Variants in CWC27 observed in about 807,000 individuals in gnomAD.
CWC27 encodes CWC27 spliceosome associated cyclophilin, also known as spliceosome-associated protein CWC27 homolog.
Under a neutral mutation model 63.6 loss-of-function variants are expected in CWC27, and 47 were observed. That is an observed-to-expected ratio of 0.74 (90% CI 0.58 to 0.94). The LOEUF (loss-of-function observed/expected upper bound fraction) is 0.94, where lower values mean the gene tolerates loss of function less well. Among genes scored for constraint, CWC27 ranks in the 40% least tolerant of loss-of-function variants. The pLI is 0.00. For synonymous variants in CWC27, 175 were observed against 179.8 expected (o/e 0.97, Z 0.22); for missense variants, 495 against 554.3 (o/e 0.89, Z 1.07).
chr5:64,892,293 G>A (rs994223180), intron 11 of CWC27, among the ~76,000 whole-genome samples: 10 of 151,856 alleles, frequency 6.6e-5, no homozygotes, highest in Admixed American at 6.6e-5. Context: ...TGTCATTCCT[G>A]ACCCAGTAAA....
intron 10 of CWC27, among the ~76,000 whole-genome samples, chr5:64,843,595 T>A (rs550702478): frequency 2.0e-5 from 3 of 152,158 alleles, no homozygotes; most frequent in Admixed American, 1.3e-4. Context: ...TATAATATTA[T>A]GTAAATGTTT....
intron 13 of CWC27, among the ~76,000 whole-genome samples, chr5:65,010,568 A>T (rs1422855414): frequency 6.6e-6 from 1 of 152,206 alleles, no homozygotes; most frequent in Non-Finnish European, 1.5e-5. Context: ...AACACAGTAC[A>T]CTAACACAGT....
rs1318434572 is a variant in CWC27, at chr5:64,885,521, A to G, written c.1017A>G (p.Ala339=). The part of the protein sequence containing the change: ...AAKQKKVENA[A]KQAEKRSEEE... ...AACAAAAAAAAGTAGAAAATGCAGC[A>G]AAACAAGCAGAAAAAAGAAGTGAAG... is the stretch of plus-strand genomic sequence containing the variant. Residue 339 remains alanine, a synonymous_variant, in exon 11 of 14, where the codon GCA becomes GCG. Coordinates refer to ENST00000381070, the MANE Select transcript of CWC27 (RefSeq NM_005869.4). The G allele has an allele frequency of 5.6e-6, 9 of 1,603,710 alleles. No homozygotes were observed. The highest frequency in any genetic ancestry group is 7.7e-6 in the Non-Finnish European group (9 of 1,174,652).
chr5:64,852,659 G>C (rs1413694833), intron 10 of CWC27, among the ~76,000 whole-genome samples: 1 of 152,014 alleles, frequency 6.6e-6, no homozygotes, highest in Non-Finnish European at 1.5e-5. Flanking sequence ...CTTTAGGAGA[G>C]ATAGGGTTTC....
intron 13 of CWC27, among the ~76,000 whole-genome samples, chr5:65,017,236 G>A (rs1003251904): frequency 3.3e-5 from 5 of 152,014 alleles, no homozygotes; most frequent in African/African-American, 4.8e-5. Flanking sequence ...CAGGAGAATC[G>A]CTTGAACCCG....
intron 10 of CWC27, among the ~76,000 whole-genome samples, chr5:64,818,874 A>G (rs1277236744): frequency 1.3e-5 from 2 of 152,158 alleles, no homozygotes; most frequent in Non-Finnish European, 2.9e-5. Flanking sequence ...TTTAAAAATT[A>G]TGTTTTGTTC....
At position 64,877,633 on chromosome 5, in the gene CWC27, G is replaced by A. The variant is rs182252486; in HGVS notation, c.939-7810G>A. Among the ~76,000 whole-genome samples the A allele has an allele frequency of 3.8e-3, 583 of 151,986 alleles. 2 individuals are homozygous for A. The highest frequency in any genetic ancestry group is 0.012 in the African/African-American group (498 of 41,498). On this transcript the variant is annotated intron_variant, in intron 10 of 13. Transcript: ENST00000381070. ...CTTAATATCCTGACTTTACCATTAC[G>A]TATTCTATAGCTGTAACAAAATACC...
At chr5:64,895,740 G>A (rs1051960095) in intron 11 of CWC27, among the ~76,000 whole-genome samples, 5 of 152,032 alleles carry the variant, frequency 3.3e-5, no homozygotes, top group East Asian at 1.9e-4. Flanking sequence ...TAAAGAACAC[G>A]TGATTTAAAA....
intron 10 of CWC27, among the ~76,000 whole-genome samples, chr5:64,816,156 A>T (rs1323303443): frequency 6.6e-6 from 1 of 152,146 alleles, no homozygotes; most frequent in Non-Finnish European, 1.5e-5. Flanking sequence ...AGTTCTTCAG[A>T]AGTAAATTGA....
chr5:64,811,937 TG>T (rs1225897051), intron 10 of CWC27, among the ~76,000 whole-genome samples: 3 of 152,048 alleles, frequency 2.0e-5, no homozygotes, highest in Non-Finnish European at 4.4e-5. Context: ...CTTCTTTTGT[TG>T]GGTTTGAAAT....
At chr5:64,979,164 A>G (rs567431602) in intron 13 of CWC27, among the ~76,000 whole-genome samples, 21 of 152,292 alleles carry the variant, frequency 1.4e-4, no homozygotes, top group South Asian at 6.2e-4. Context: ...GGACATGGGG[A>G]AAAAAATCAC....
At chr5:64,831,954 A>G (rs958215152) in intron 10 of CWC27, among the ~76,000 whole-genome samples, 1 of 151,920 alleles carries the variant, frequency 6.6e-6, no homozygotes, top group Non-Finnish European at 1.5e-5. Context: ...CTGGCTTTAC[A>G]TAGATATATA....
chr5:64,866,657 T>C (rs530583148), intron 10 of CWC27, among the ~76,000 whole-genome samples: 227 of 152,198 alleles, frequency 1.5e-3, no homozygotes, highest in Middle Eastern at 3.4e-3. Flanking sequence ...TCTTCTTTGA[T>C]CCATTGGTTG....
chr5:64,906,759 G>A (rs1299741421), intron 11 of CWC27, among the ~76,000 whole-genome samples: 1 of 152,206 alleles, frequency 6.6e-6, no homozygotes, highest in South Asian at 2.1e-4. Context: ...CCTATGTCCT[G>A]AATGGTATTG....
intron 11 of CWC27, among the ~76,000 whole-genome samples, chr5:64,898,306 C>T (rs991064998): frequency 3.3e-5 from 5 of 150,976 alleles, no homozygotes; most frequent in Admixed American, 6.6e-5. Flanking sequence ...AAGTTCCCCA[C>T]GTAAAGAAGC....
At chr5:64,996,694 T>G (rs969761070) in intron 13 of CWC27, among the ~76,000 whole-genome samples, 8 of 152,268 alleles carry the variant, frequency 5.3e-5, no homozygotes, top group Non-Finnish European at 8.8e-5. Flanking sequence ...AATAGTTTGA[T>G]TCCATTTGTT....
At chr5:65,009,078 G>A (rs548983619) in intron 13 of CWC27, among the ~76,000 whole-genome samples, 13 of 152,298 alleles carry the variant, frequency 8.5e-5, no homozygotes, top group Admixed American at 2.6e-4. Context: ...TCTGCTTCTG[G>A]TGAGGGCCTC....
At chr5:64,805,341 T>C (rs550584517) in intron 10 of CWC27, among the ~76,000 whole-genome samples, 10 of 151,570 alleles carry the variant, frequency 6.6e-5, no homozygotes, top group African/African-American at 2.2e-4. Flanking sequence ...GTAATCACTG[T>C]TGAATAATTT....
At chr5:64,949,554 C>T (rs1748661569) in intron 11 of CWC27, among the ~76,000 whole-genome samples, 1 of 151,992 alleles carries the variant, frequency 6.6e-6, no homozygotes, top group Non-Finnish European at 1.5e-5. Context: ...TGTCAATCCC[C>T]TTCATAAAGT....
Sources: allele counts gnomAD v4.1 joint callset (sites outside exome capture counted in the v4.1 genomes callset), GRCh38; gene constraint gnomAD v4.1.1; transcripts MANE v1.5; gene names NCBI Gene and HGNC (gene_info 2026-07-23, HGNC 2026-07-21).